Variants in NRXN1 observed in about 807,000 individuals in gnomAD.
NRXN1 encodes neurexin-1.
A neutral mutation model predicts 150.9 loss-of-function variants in NRXN1; 39 were observed. That is an observed-to-expected ratio of 0.26 (90% CI 0.20 to 0.34). The LOEUF (loss-of-function observed/expected upper bound fraction) is 0.34. Ranked by LOEUF, NRXN1 falls within the 10% of genes least tolerant of loss-of-function variation. NRXN1 has a pLI of 1.00. For synonymous variants in NRXN1, 924 were observed against 757.0 expected (o/e 1.22, Z -3.62); for missense variants, 1,815 against 1,949.9 (o/e 0.93, Z 1.30).
intron 18 of NRXN1, among the ~76,000 whole-genome samples, chr2:50,125,834 A>G (rs1261445464): frequency 6.6e-6 from 1 of 152,074 alleles, no homozygotes; most frequent in Non-Finnish European, 1.5e-5. Flanking sequence ...GAACCTGCAT[A>G]TTTTTTGGAG....
chr2:50,151,086 G>C, intron 18 of NRXN1, among the ~76,000 whole-genome samples: 1 of 151,770 alleles, frequency 6.6e-6, no homozygotes, highest in Non-Finnish European at 1.5e-5. Context: ...GAAAAGCCTA[G>C]TCTGCAGTGA....
At chr2:50,955,009 C>T (rs890411872) in intron 2 of NRXN1, among the ~76,000 whole-genome samples, 1 of 152,056 alleles carries the variant, frequency 6.6e-6, no homozygotes, top group Admixed American at 6.5e-5. Flanking sequence ...AGGAAGACAG[C>T]TGGGAAGATA....
At chr2:50,958,606 C>G (rs1220892220) in intron 2 of NRXN1, among the ~76,000 whole-genome samples, 1 of 151,972 alleles carries the variant, frequency 6.6e-6, no homozygotes, top group Non-Finnish European at 1.5e-5. Flanking sequence ...CTTTCCTTAG[C>G]CTTTTCTGTA....
chr2:50,878,171 G>A lies in NRXN1; in HGVS notation c.832+43698C>T, dbSNP rs1422529564. ...AAACGAGGAGAATTATAAAGTTACT[G>A]AAAATAAGAATTTAAAAGAGGAAAA... On this transcript the variant is annotated intron_variant, in intron 5 of 22. Transcript: ENST00000401669. Among the ~76,000 whole-genome samples, 5 of 151,906 alleles carry A rather than the reference G, an allele frequency of 3.3e-5. No individual in the cohort carries two copies. The East Asian group carries it at 9.7e-4, about 30-fold the overall frequency.
rs768003967 is a variant in NRXN1, at chr2:50,497,678, T to C, written c.2534A>G (p.His845Arg). The C allele has an allele frequency of 9.3e-6, 15 of 1,613,674 alleles. No homozygotes were observed. The highest frequency in any genetic ancestry group is 1.2e-5 in the Non-Finnish European group (14 of 1,179,718). The change falls in exon 14 of 23, where the codon CAT (histidine) becomes CGT (arginine). Residue 845 changes from histidine (H) to arginine (R), a missense_variant. His to Arg is a conservative substitution (Grantham distance 29). This residue lies in a region of NRXN1 where 638 missense variants were observed against 652.6 expected (regional missense o/e 0.98). Coordinates refer to ENST00000401669, the MANE Select transcript of NRXN1 (RefSeq NM_001330078.2). The stretch of plus-strand genomic sequence containing the variant: ...TGTGATGATGCCAGTCTCTATGTTA[T>C]GGAACTCCAGCCTAGTATGATCACC... ...MAGDHTRLEF[H>R]NIETGIITER...
At chr2:50,800,241 C>A (rs1707400902) in intron 5 of NRXN1, among the ~76,000 whole-genome samples, 2 of 152,128 alleles carry the variant, frequency 1.3e-5, no homozygotes, top group South Asian at 2.1e-4. Context: ...GTCAGGAAAT[C>A]TCTGAGGAGC....
intron 21 of NRXN1, among the ~76,000 whole-genome samples, chr2:49,971,456 C>CA (rs1327090213): frequency 6.6e-6 from 1 of 152,150 alleles, no homozygotes; most frequent in African/African-American, 2.4e-5. Flanking sequence ...TGTAACCAGA[C>CA]ATTTAATAAC....
intron 21 of NRXN1, among the ~76,000 whole-genome samples, chr2:50,018,117 T>C (rs1012294439): frequency 6.6e-6 from 1 of 152,152 alleles, no homozygotes; most frequent in African/African-American, 2.4e-5. Flanking sequence ...AAAAAGTTAA[T>C]GCACTTCTCT....
intron 21 of NRXN1, among the ~76,000 whole-genome samples, chr2:50,048,099 A>G (rs1200561302): frequency 6.6e-6 from 1 of 152,164 alleles, no homozygotes; most frequent in East Asian, 1.9e-4. Context: ...TCTTGCCAGT[A>G]ATGAGAGGAG....
intron 2 of NRXN1, among the ~76,000 whole-genome samples, chr2:50,981,257 G>C (rs1696742951): frequency 6.6e-6 from 1 of 151,742 alleles, no homozygotes; most frequent in African/African-American, 2.4e-5. Context: ...AAGAGTTTGA[G>C]ACCAGCCTGG....
At chr2:50,388,721 G>T (rs1460599979) in intron 17 of NRXN1, among the ~76,000 whole-genome samples, 2 of 151,982 alleles carry the variant, frequency 1.3e-5, no homozygotes, top group African/African-American at 4.8e-5. Flanking sequence ...CTGATACTCT[G>T]GGAATGATAG....
At chr2:50,398,198 T>A (rs1462461635) in intron 17 of NRXN1, among the ~76,000 whole-genome samples, 4 of 152,142 alleles carry the variant, frequency 2.6e-5, no homozygotes, top group African/African-American at 9.7e-5. Flanking sequence ...TAGAACTGTT[T>A]AGCAAATCTG....
At chr2:50,945,718 C>A (rs951671487) in intron 2 of NRXN1, among the ~76,000 whole-genome samples, 4 of 151,472 alleles carry the variant, frequency 2.6e-5, no homozygotes, top group Admixed American at 2.6e-4. Context: ...GATACGGGCA[C>A]TGAAATATAA....
At chr2:50,868,142 TA>T (rs1300469766) in intron 5 of NRXN1, among the ~76,000 whole-genome samples, 17 of 1,136 alleles carry the variant, frequency 0.015, no homozygotes, top group Non-Finnish European at 0.013. Context: ...AACAAAATAT[TA>T]TATATATATA....
chr2:50,167,917 C>T (rs953199020), intron 18 of NRXN1, among the ~76,000 whole-genome samples: 1 of 152,140 alleles, frequency 6.6e-6, no homozygotes, highest in Non-Finnish European at 1.5e-5. Context: ...TTTATTTCTC[C>T]ACTAGAAGGA....
intron 17 of NRXN1, among the ~76,000 whole-genome samples, chr2:50,289,401 T>G (rs2072616787): frequency 6.6e-6 from 1 of 152,060 alleles, no homozygotes; most frequent in Non-Finnish European, 1.5e-5. Context: ...TTATGCAAAT[T>G]TTAGTAGTAA....
At chr2:49,943,396 G>A (rs1672345976) in intron 22 of NRXN1, among the ~76,000 whole-genome samples, 1 of 152,112 alleles carries the variant, frequency 6.6e-6, no homozygotes, top group African/African-American at 2.4e-5. Flanking sequence ...GTGACCCAAG[G>A]GAAAGCTCAT....
chr2:50,714,874 C>T (rs1294026143), intron 5 of NRXN1, among the ~76,000 whole-genome samples: 1 of 151,958 alleles, frequency 6.6e-6, no homozygotes, highest in African/African-American at 2.4e-5. Flanking sequence ...GTAGTAACAC[C>T]TAGTATATTT....
At chr2:50,145,445 T>G (rs1574153491) in intron 18 of NRXN1, among the ~76,000 whole-genome samples, 1 of 151,760 alleles carries the variant, frequency 6.6e-6, no homozygotes, top group South Asian at 2.1e-4. Flanking sequence ...CCAAATAATC[T>G]AATCTAAAAA....
Sources: allele counts gnomAD v4.1 joint callset (sites outside exome capture counted in the v4.1 genomes callset), GRCh38; gene constraint gnomAD v4.1.1; regional missense constraint gnomAD v4.1.1; transcripts MANE v1.5; gene names NCBI Gene and HGNC (gene_info 2026-07-23, HGNC 2026-07-21).